Variants in DYM observed in about 807,000 individuals in gnomAD.
DYM encodes the protein dyggve-Melchior-Clausen syndrome protein.
In DYM, 78 loss-of-function variants were observed where a neutral mutation model predicts 93.1. That is an observed-to-expected ratio of 0.84 (90% CI 0.70 to 1.01). The LOEUF (loss-of-function observed/expected upper bound fraction) is 1.01, where lower values mean the gene tolerates loss of function less well. Among genes scored for constraint, DYM ranks in the 50% least tolerant of loss-of-function variants. DYM has a pLI of 0.00. For synonymous variants in DYM, 321 were observed against 319.7 expected, an observed-to-expected ratio of 1.00 and a Z score of -0.04; for missense variants, 789 against 845.0, an observed-to-expected ratio of 0.93 and a Z score of 0.82.
At chr18:49,219,240 G>A (rs369339777) in intron 13 of DYM, among the ~76,000 whole-genome samples, 12,528 of 151,984 alleles carry the variant, frequency 0.082, 672 homozygotes, top group African/African-American at 0.16. Context: ...CCAATAACAG[G>A]ATCTGAAATT....
At chr18:49,190,968 T>G (rs1322281090) in intron 14 of DYM, among the ~76,000 whole-genome samples, 2 of 152,172 alleles carry the variant, frequency 1.3e-5, no homozygotes, top group Non-Finnish European at 2.9e-5. Context: ...CTGTATATTT[T>G]TTAGGTAAGG....
intron 17 of DYM, among the ~76,000 whole-genome samples, chr18:49,083,743 A>G (rs926632395): frequency 2.0e-5 from 3 of 152,182 alleles, no homozygotes; most frequent in African/African-American, 7.2e-5. Context: ...TATATTTCTA[A>G]GAATTGCTCA....
At chr18:49,289,857 A>G (rs1219949348) in intron 8 of DYM, among the ~76,000 whole-genome samples, 1 of 148,264 alleles carries the variant, frequency 6.7e-6, no homozygotes, top group Non-Finnish European at 1.5e-5. Flanking sequence ...GGAAGTCTAA[A>G]CAATAATTTT....
At chr18:49,438,629 C>T (rs560368504) in intron 1 of DYM, among the ~76,000 whole-genome samples, 2 of 152,174 alleles carry the variant, frequency 1.3e-5, no homozygotes, top group South Asian at 2.1e-4. Flanking sequence ...CCTGAGCAGA[C>T]ACCCCTGCCT....
chr18:49,174,848 A>C lies in DYM; in HGVS notation c.1626-11061T>G, dbSNP rs186003841. 1.5e-4 allele frequency among the ~76,000 whole-genome samples: 23 copies of C among 152,206 alleles called. 1 individual carries two copies. In the East Asian group the frequency reaches 3.7e-3, roughly 24 times the overall value. On this transcript the variant is annotated intron_variant, in intron 14 of 17. Coordinates refer to ENST00000675505, the MANE Select transcript of DYM (RefSeq NM_001353214.3). ...CTTAAGCTGAGACAGAGAGAGAGCG[A>C]GAACTGAGGGAAAAGGCTGAAGAAG...
intron 17 of DYM, among the ~76,000 whole-genome samples, chr18:49,086,363 C>A (rs1468874191): frequency 1.3e-5 from 2 of 152,134 alleles, no homozygotes; most frequent in Non-Finnish European, 2.9e-5. Flanking sequence ...AGCCACAAGT[C>A]CCCCTCCCAT....
chr18:49,099,460 CTACAA>C (rs2079903057), intron 16 of DYM, among the ~76,000 whole-genome samples: 1 of 152,068 alleles, frequency 6.6e-6, no homozygotes, highest in Non-Finnish European at 1.5e-5. Flanking sequence ...TTGTACACAT[CTACAA>C]GTAAAAAAAT....
chr18:49,070,054 TAAAC>T (rs1568370062), intron 17 of DYM, among the ~76,000 whole-genome samples: 3 of 151,922 alleles, frequency 2.0e-5, no homozygotes, highest in Non-Finnish European at 2.9e-5. Context: ...AACAGACAAA[TAAAC>T]AAACAAAACT....
intron 17 of DYM, among the ~76,000 whole-genome samples, chr18:49,047,689 C>CT (rs1183158083): frequency 1.3e-5 from 2 of 152,084 alleles, no homozygotes; most frequent in Non-Finnish European, 2.9e-5. Context: ...TTGGGAGCCT[C>CT]CTCATACACT....
intron 13 of DYM, among the ~76,000 whole-genome samples, chr18:49,251,044 T>G (rs1011967241): frequency 1.3e-4 from 20 of 152,210 alleles, no homozygotes; most frequent in African/African-American, 4.8e-4. Context: ...CCACTAGATG[T>G]CAGTAGCAAC....
chr18:49,371,794 T>C (rs933897246), intron 5 of DYM, among the ~76,000 whole-genome samples: 1 of 152,212 alleles, frequency 6.6e-6, no homozygotes. Flanking sequence ...TATCCTCATA[T>C]AATAATACAA....
chr18:49,401,227 T>C (rs1291974770), intron 2 of DYM, among the ~76,000 whole-genome samples: 2 of 152,174 alleles, frequency 1.3e-5, no homozygotes, highest in African/African-American at 2.4e-5. Flanking sequence ...TAGTAATCTC[T>C]TAGTCAAAGT....
chr18:49,178,903 A>T (rs944892890), intron 14 of DYM, among the ~76,000 whole-genome samples: 3 of 151,998 alleles, frequency 2.0e-5, no homozygotes, highest in Admixed American at 6.6e-5. Context: ...TTAACCATGT[A>T]ACCCCCCCAC....
rs527535184 is a variant in DYM, at chr18:49,376,595, T to G, written c.421+1972A>C. ...TGTTCTGCATGCCTTGCACACAGCA[T>G]TGCTATGAGGCAGTAGTTTCCTGCC... is the stretch of plus-strand genomic sequence containing the variant. On this transcript the variant is annotated intron_variant, in intron 5 of 17. Transcript: ENST00000675505. Among the ~76,000 whole-genome samples, 4 of 152,340 alleles carry G rather than the reference T, an allele frequency of 2.6e-5. No homozygotes were observed. The East Asian group carries it at 7.7e-4, about 29-fold the overall frequency.
chr18:49,375,378 T>C (rs954546324), intron 5 of DYM, among the ~76,000 whole-genome samples: 1 of 152,102 alleles, frequency 6.6e-6, no homozygotes, highest in African/African-American at 2.4e-5. Flanking sequence ...TATAACTTGG[T>C]ACAGTATCTG....
At chr18:49,142,162 A>G (rs1317616594) in intron 15 of DYM, among the ~76,000 whole-genome samples, 1 of 151,990 alleles carries the variant, frequency 6.6e-6, no homozygotes, top group Non-Finnish European at 1.5e-5. Flanking sequence ...CGCCTGGCCA[A>G]TATGTTTTAA....
At chr18:49,302,026 A>T (rs962278318) in intron 8 of DYM, among the ~76,000 whole-genome samples, 2 of 152,252 alleles carry the variant, frequency 1.3e-5, no homozygotes, top group Non-Finnish European at 1.5e-5. Context: ...CCATTTAAAA[A>T]TAATGGAATC....
At chr18:49,404,393 G>A (rs968676824) in intron 2 of DYM, among the ~76,000 whole-genome samples, 1 of 152,190 alleles carries the variant, frequency 6.6e-6, no homozygotes, top group Admixed American at 6.5e-5. Context: ...AAGTGCATGT[G>A]TCTTTTTGGT....
chr18:49,318,358 G>A lies in DYM; in HGVS notation c.763+13506C>T, dbSNP rs796776636. On this transcript the variant is annotated intron_variant, in intron 8 of 17. Coordinates refer to ENST00000675505, the MANE Select transcript of DYM (RefSeq NM_001353214.3). ...CTTTAAGCTGGGCATGGTGGCTCAC[G>A]CCTGTAATCCCAGCACTTTGGGAGG... Among the ~76,000 whole-genome samples the A allele has an allele frequency of 7.6e-4, 115 of 152,314 alleles. 2 individuals are homozygous for A. Among genetic ancestry groups the A allele is most frequent in the African/African-American group, 2.7e-3 (114 of 41,578 alleles).
Sources: gnomAD v4.1 joint callset for allele counts (sites outside exome capture counted in the v4.1 genomes callset) on GRCh38, gnomAD v4.1.1 for gene constraint, MANE v1.5 for transcripts, NCBI Gene and HGNC (gene_info 2026-07-23, HGNC 2026-07-21) for gene names.